FIGNL2: variants seen among roughly 807,000 people sequenced by gnomAD.
FIGNL2 encodes fidgetin-like protein 2.
For synonymous variants in FIGNL2, 565 were observed against 484.0 expected (o/e 1.17, Z -2.20); for missense variants, 1,060 against 950.2 (o/e 1.12, Z -1.52).
intron 1 of FIGNL2, among the ~76,000 whole-genome samples, chr12:51,828,892 AT>A (rs994526428): frequency 5.3e-5 from 8 of 152,242 alleles, no homozygotes; most frequent in African/African-American, 1.9e-4. Context: ...ACACAAATAA[AT>A]TTTTTACAGG....
At position 51,820,575 on chromosome 12, in the gene FIGNL2, C is replaced by A. The variant is rs776009801; in HGVS notation, c.1839G>T (p.Gly613=). Residue 613 remains glycine, a synonymous_variant, in exon 2 of 2, where the codon GGG becomes GGT. Transcript: ENST00000618634. The part of the protein sequence containing the change: ...QQAAAGAGLP[G]LQRPLSYKDL... Reference sequence around the variant, plus strand: ...CCTTGTAGGAGAGGGGGCGCTGCAGCCCCGGGAGGCCCGCCCCGGCCGCCG... The same window carrying A: ...CCTTGTAGGAGAGGGGGCGCTGCAGACCCGGGAGGCCCGCCCCGGCCGCCG... The A allele has an allele frequency of 6.5e-7, 1 of 1,528,018 alleles. No individual in the cohort carries two copies. Among genetic ancestry groups the A allele is most frequent in the Admixed American group, 2.0e-5 (1 of 49,528 alleles). The allele number at this position is 1,528,018 out of a possible 1,614,324, so 94.7% of individuals were successfully genotyped here.
At chr12:51,847,340 G>GC in intron 1 of FIGNL2, 1 of 985,456 alleles carries the variant, frequency 1.0e-6, no homozygotes, top group Non-Finnish European at 1.2e-6. Flanking sequence ...GAACCGGGAA[G>GC]CCCACCTGCG....
At chr12:51,833,906 G>A (rs753202016) in intron 1 of FIGNL2, among the ~76,000 whole-genome samples, 1 of 151,418 alleles carries the variant, frequency 6.6e-6, no homozygotes, top group South Asian at 2.1e-4. Context: ...GACAGTGCCC[G>A]GCACAGATTA....
rs1939200795 is a variant in FIGNL2 at position 51,821,660 on chromosome 12, A to T, written c.754T>A (p.Phe252Ile). The T allele has an allele frequency of 2.1e-6, 3 of 1,437,180 alleles. No homozygotes were observed. The highest frequency in any genetic ancestry group is 2.7e-5 in the Admixed American group (1 of 37,048). The allele number at this position is 1,437,180 out of a possible 1,614,324, so 89.0% of individuals were successfully genotyped here. ...PAPAPPTAYG[F>I]PTAAPGAESG... ...TCGGCACCCGGCGCGGCCGTGGGGA[A>T]GCCATAGGCGGTGGGCGGTGCCGGC... Residue 252 changes from phenylalanine (F) to isoleucine (I), a missense_variant, in exon 2 of 2, where the codon TTC becomes ATC. Physicochemically the swap from Phe to Ile is conservative, Grantham distance 21. Transcript: ENST00000618634.
chr12:51,836,818 GGTCCTTT>G (rs1336138450), intron 1 of FIGNL2, among the ~76,000 whole-genome samples: 13 of 152,106 alleles, frequency 8.5e-5, no homozygotes, highest in Non-Finnish European at 1.5e-5. Context: ...GCTAGATGAA[GGTCCTTT>G]GTCTCTGCCC....
intron 1 of FIGNL2, among the ~76,000 whole-genome samples, chr12:51,846,822 C>T (rs913760676): frequency 6.6e-6 from 1 of 152,224 alleles, no homozygotes; most frequent in Non-Finnish European, 1.5e-5. Context: ...TTCCCTTTGG[C>T]CCAAAAGGGC....
intron 1 of FIGNL2, among the ~76,000 whole-genome samples, chr12:51,834,110 T>TGGAA (rs1296007419): frequency 2.8e-5 from 1 of 35,358 alleles, no homozygotes; most frequent in Admixed American, 4.2e-4. Flanking sequence ...GATGGATGGT[T>TGGAA]GGATGGATGG....
chr12:51,848,126 TG>T, intron 1 of FIGNL2: 1 of 982,368 alleles, frequency 1.0e-6, no homozygotes, highest in Non-Finnish European at 1.2e-6. Flanking sequence ...CCTGACGGAG[TG>T]GGAGGGGCCT....
chr12:51,843,122 C>T lies in FIGNL2; in HGVS notation c.-12+5418G>A, dbSNP rs190993399. ...AGCTCAGAGCCTGGTCCATAGGTGT[C>T]CACTGCATGTGTGGGGAGGCTCAGG... On this transcript the variant is annotated intron_variant, in intron 1 of 1. Coordinates refer to ENST00000618634, the MANE Select transcript of FIGNL2 (RefSeq NM_001384995.1). 2.9e-3 allele frequency among the ~76,000 whole-genome samples: 447 copies of T among 152,314 alleles called. 3 individuals are homozygous for T. Among genetic ancestry groups the T allele is most frequent in the African/African-American group, 0.01 (418 of 41,576 alleles).
intron 1 of FIGNL2, among the ~76,000 whole-genome samples, chr12:51,834,633 C>A (rs1939550343): frequency 6.6e-6 from 1 of 152,186 alleles, no homozygotes; most frequent in Admixed American, 6.5e-5. Context: ...AGGAGGTCGG[C>A]CTGGGAGAAG....
At chr12:51,846,867 G>A in intron 1 of FIGNL2, 1 of 497,556 alleles carries the variant, frequency 2.0e-6, no homozygotes, top group Non-Finnish European at 2.6e-6. Context: ...GGACACGAGG[G>A]TCGCTCCCGT....
chr12:51,846,015 C>G (rs751207393), intron 1 of FIGNL2, among the ~76,000 whole-genome samples: 1 of 152,150 alleles, frequency 6.6e-6, no homozygotes, highest in Non-Finnish European at 1.5e-5. Context: ...GGGTCTCCAC[C>G]ACCCAAGAGC....
chr12:51,846,345 G>A (rs1444790898), intron 1 of FIGNL2, among the ~76,000 whole-genome samples: 1 of 152,230 alleles, frequency 6.6e-6, no homozygotes, highest in Non-Finnish European at 1.5e-5. Flanking sequence ...AGAATAAGGA[G>A]GTTGTGGAAA....
At chr12:51,845,719 C>T in intron 1 of FIGNL2, 1 of 971,666 alleles carries the variant, frequency 1.0e-6, no homozygotes, top group Non-Finnish European at 1.2e-6. Context: ...TGACCGACGG[C>T]AGGGGGAGGG....
rs564392738 is a variant in FIGNL2 at position 51,822,515 on chromosome 12, G to A, written c.-11-91C>T. ...CCATAGGCCAGTCCGCCTAGACTGC[G>A]GCTTGGACAGGCTGGGCTTCCGGCA... On this transcript the variant is annotated intron_variant, in intron 1 of 1. Coordinates refer to ENST00000618634, the MANE Select transcript of FIGNL2 (RefSeq NM_001384995.1). 2.8e-4 allele frequency: 407 copies of A among 1,461,746 alleles called. 3 individuals carry two copies. In the South Asian group the frequency reaches 4.7e-3, roughly 17 times the overall value. 90.5% of individuals were successfully genotyped at this position (1,461,746 alleles called of 1,614,324 possible). A position where few individuals can be genotyped will look rare whatever the true frequency, so the allele number is the denominator to read the frequency against.
chr12:51,834,106 T>TG (rs1345392385), intron 1 of FIGNL2, among the ~76,000 whole-genome samples: 5 of 132,810 alleles, frequency 3.8e-5, no homozygotes, highest in African/African-American at 1.2e-4. Context: ...GGTGGATGGA[T>TG]GGTTGGATGG....
intron 1 of FIGNL2, chr12:51,845,487 G>A (rs1592197175): frequency 3.0e-6 from 3 of 984,618 alleles, no homozygotes; most frequent in South Asian, 4.7e-5. Flanking sequence ...TCTGTCCCCT[G>A]AAGGGGGTCT....
chr12:51,836,465 G>A (rs1939580710), intron 1 of FIGNL2, among the ~76,000 whole-genome samples: 2 of 152,114 alleles, frequency 1.3e-5, no homozygotes, highest in East Asian at 1.9e-4. Context: ...AACACAGTCC[G>A]GGGGTCACAG....
intron 1 of FIGNL2, among the ~76,000 whole-genome samples, chr12:51,831,210 G>GA (rs1034404046): frequency 1.3e-5 from 2 of 152,002 alleles, no homozygotes; most frequent in East Asian, 1.9e-4. Flanking sequence ...AGCTAAAAAA[G>GA]AAAAAAAGAG....
Sources: allele counts gnomAD v4.1 joint callset (sites outside exome capture counted in the v4.1 genomes callset), GRCh38; gene constraint gnomAD v4.1.1; transcripts MANE v1.5; gene names NCBI Gene and HGNC (gene_info 2026-07-23, HGNC 2026-07-21).